KCND2: variants seen among roughly 807,000 people sequenced by gnomAD.
KCND2 encodes the protein potassium voltage-gated channel subfamily D member 2, also known as A-type voltage-gated potassium channel KCND2.
A neutral mutation model predicts 54.4 loss-of-function variants in KCND2; 16 were observed. That is an observed-to-expected ratio of 0.29 (90% CI 0.20 to 0.45). The LOEUF is 0.45. Among genes scored for constraint, KCND2 ranks in the 20% least tolerant of loss-of-function variants. KCND2 has a pLI of 1.00. For missense variants in KCND2, 486 were observed against 824.2 expected (o/e 0.59, Z 5.02); for synonymous variants, 317 against 310.7 (o/e 1.02, Z -0.21).
In KCND2 at chr7:120,398,962, G is replaced by C. The variant is rs946590612; in HGVS notation, c.1115+123215G>C. On this transcript the variant is annotated intron_variant, in intron 1 of 5. Transcript: ENST00000331113. ...ACCAACCAGCTTGTTACGCTGCCCA[G>C]TTCTCTCCCCTCCATAAAGCCTTTT... Among the ~76,000 whole-genome samples the C allele has an allele frequency of 6.6e-5, 10 of 152,028 alleles. No individual in the cohort carries two copies. In the South Asian group the frequency reaches 1.9e-3, roughly 28 times the overall value.
intron 1 of KCND2, among the ~76,000 whole-genome samples, chr7:120,525,082 T>A (rs1333758285): frequency 2.6e-5 from 4 of 152,306 alleles, no homozygotes; most frequent in Non-Finnish European, 4.4e-5. Context: ...AACTTCTGCC[T>A]CATGTTGGTT....
At chr7:120,361,227 G>T (rs1452654746) in intron 1 of KCND2, among the ~76,000 whole-genome samples, 1 of 151,872 alleles carries the variant, frequency 6.6e-6, no homozygotes, top group Non-Finnish European at 1.5e-5. Context: ...AAAAAAAGGG[G>T]CTGCTTAGTA....
chr7:120,495,552 C>G (rs1802836690), intron 1 of KCND2, among the ~76,000 whole-genome samples: 1 of 152,010 alleles, frequency 6.6e-6, no homozygotes, highest in Non-Finnish European at 1.5e-5. Context: ...ATTTTAATGC[C>G]ATTAACTTTT....
chr7:120,378,891 C>A (rs1280040273), intron 1 of KCND2, among the ~76,000 whole-genome samples: 2 of 151,898 alleles, frequency 1.3e-5, no homozygotes, highest in Non-Finnish European at 2.9e-5. Flanking sequence ...TTCTAAGTGG[C>A]AAATGGCTCA....
chr7:120,510,494 T>A (rs1056474435), intron 1 of KCND2, among the ~76,000 whole-genome samples: 2 of 152,090 alleles, frequency 1.3e-5, no homozygotes, highest in East Asian at 3.9e-4. Flanking sequence ...AAATTCAAAC[T>A]CAACCTTAGC....
At chr7:120,446,562 A>T (rs1584782382) in intron 1 of KCND2, among the ~76,000 whole-genome samples, 2 of 87,316 alleles carry the variant, frequency 2.3e-5, no homozygotes, top group Non-Finnish European at 3.8e-5. Context: ...ACACACACAC[A>T]CATACACATA....
At chr7:120,550,465 G>C (rs1397666877) in intron 1 of KCND2, among the ~76,000 whole-genome samples, 1 of 152,088 alleles carries the variant, frequency 6.6e-6, no homozygotes, top group Non-Finnish European at 1.5e-5. Flanking sequence ...ACAAGAAGTG[G>C]TCAAAGGAAA....
intron 1 of KCND2, among the ~76,000 whole-genome samples, chr7:120,524,594 A>G (rs539438659): frequency 6.6e-6 from 1 of 152,352 alleles, no homozygotes; most frequent in Non-Finnish European, 1.5e-5. Flanking sequence ...TGACAGAAAG[A>G]TAATTGCTGA....
At chr7:120,523,834 C>T (rs1791734373) in intron 1 of KCND2, among the ~76,000 whole-genome samples, 1 of 149,016 alleles carries the variant, frequency 6.7e-6, no homozygotes, top group Non-Finnish European at 1.5e-5. Flanking sequence ...TATTCAGCAA[C>T]ATATATATGG....
At chr7:120,319,555 G>C (rs1799862527) in intron 1 of KCND2, among the ~76,000 whole-genome samples, 1 of 151,946 alleles carries the variant, frequency 6.6e-6, no homozygotes, top group Non-Finnish European at 1.5e-5. Context: ...TTCTTTTTCT[G>C]CTTCTAAAGG....
At position 120,747,762 on chromosome 7, in the gene KCND2, C is replaced by G. The variant is rs1292473915; in HGVS notation, c.1797C>G (p.Ser599Arg). The change falls in exon 6 of 6, where the codon AGC becomes AGG. Residue 599 changes from serine (S) to arginine (R), a missense_variant. This residue lies in a region of KCND2 where 202 missense variants were observed against 252.7 expected (regional missense o/e 0.80). Coordinates refer to ENST00000331113, the MANE Select transcript of KCND2 (RefSeq NM_012281.3). ...EQPYVTTAII[S>R]IPTPPVTTPE... ...CTTATGTGACTACAGCAATAATAAGCATCCCAACACCTCCAGTAACCACAC... is the reference window on the plus strand; with the variant it reads ...CTTATGTGACTACAGCAATAATAAGGATCCCAACACCTCCAGTAACCACAC... 6 of 1,611,644 alleles carry G rather than the reference C, an allele frequency of 3.7e-6. No homozygotes were observed. In the African/African-American group the frequency reaches 8.0e-5, roughly 22 times the overall value.
At chr7:120,468,352 G>A (rs1192909813) in intron 1 of KCND2, among the ~76,000 whole-genome samples, 1 of 152,094 alleles carries the variant, frequency 6.6e-6, no homozygotes, top group Non-Finnish European at 1.5e-5. Context: ...TCCTTCTGCT[G>A]TAATGTGATT....
intron 1 of KCND2, among the ~76,000 whole-genome samples, chr7:120,441,885 A>C (rs73435806): frequency 6.6e-5 from 10 of 152,202 alleles, no homozygotes; most frequent in African/African-American, 2.4e-4. Context: ...TGTGTGAACT[A>C]CTACCAAGTT....
intron 1 of KCND2, among the ~76,000 whole-genome samples, chr7:120,679,766 T>A (rs867552241): frequency 6.6e-6 from 1 of 152,232 alleles, no homozygotes; most frequent in African/African-American, 2.4e-5. Flanking sequence ...TTTCTCCATT[T>A]CTCTGTTCCC....
chr7:120,530,005 C>T (rs1350926216), intron 1 of KCND2, among the ~76,000 whole-genome samples: 1 of 151,844 alleles, frequency 6.6e-6, no homozygotes, highest in Non-Finnish European at 1.5e-5. Context: ...CCCAGGGGGT[C>T]AAGGCTGCAG....
intron 1 of KCND2, among the ~76,000 whole-genome samples, chr7:120,512,536 A>C (rs1217094295): frequency 6.6e-6 from 1 of 151,996 alleles, no homozygotes; most frequent in Non-Finnish European, 1.5e-5. Context: ...TTAGAATCAA[A>C]TAATTAATCA....
At chr7:120,443,382 T>TAATA (rs1419431790) in intron 1 of KCND2, among the ~76,000 whole-genome samples, 1 of 141,654 alleles carries the variant, frequency 7.1e-6, no homozygotes, top group Non-Finnish European at 1.5e-5. Context: ...ATAATAATAA[T>TAATA]AATAAAGTAA....
At chr7:120,643,943 T>C (rs1793407415) in intron 1 of KCND2, among the ~76,000 whole-genome samples, 1 of 151,646 alleles carries the variant, frequency 6.6e-6, no homozygotes, top group Admixed American at 6.6e-5. Context: ...TTAGCTATTT[T>C]TCAGGGCATA....
intron 4 of KCND2, among the ~76,000 whole-genome samples, chr7:120,744,002 G>A (rs1440630066): frequency 2.0e-5 from 3 of 152,166 alleles, no homozygotes; most frequent in Admixed American, 1.3e-4. Flanking sequence ...GCTCACGTCT[G>A]TAATCCCAGC....
Sources: allele counts gnomAD v4.1 joint callset (sites outside exome capture counted in the v4.1 genomes callset), GRCh38; gene constraint gnomAD v4.1.1; regional missense constraint gnomAD v4.1.1; transcripts MANE v1.5; gene names NCBI Gene and HGNC (gene_info 2026-07-23, HGNC 2026-07-21).